The following ULK4 variants were observed in gnomAD, a reference collection of about 807,000 sequenced individuals.
The protein encoded by ULK4 is unc-51 like kinase 4, also known as inactive serine/threonine-protein kinase ULK4.
ULK4 carries 133 observed loss-of-function variants against 160.6 expected under a neutral mutation model. That is an observed-to-expected ratio of 0.83 (90% CI 0.72 to 0.96). The LOEUF (loss-of-function observed/expected upper bound fraction) is 0.96. Ranked by LOEUF, ULK4 falls within the 40% of genes least tolerant of loss-of-function variation. The pLI is 0.00. For synonymous variants in ULK4, 534 were observed against 539.8 expected (o/e 0.99, Z 0.15); for missense variants, 1,580 against 1,499.5 (o/e 1.05, Z -0.89).
At chr3:41,542,935 A>G (rs1440954938) in intron 32 of ULK4, among the ~76,000 whole-genome samples, 1 of 152,082 alleles carries the variant, frequency 6.6e-6, no homozygotes, top group East Asian at 1.9e-4. Flanking sequence ...AGGTTCCCCA[A>G]TCTTCTATGG....
rs546116957 is a variant in ULK4 at position 41,318,574 on chromosome 3, G to A, written c.3679-69000C>T. ...TGCATTGCATCTGCTATTATCCTAA[G>A]ATATTTTAATGAGAATCTTCTCTAT... On this transcript the variant is annotated intron_variant, in intron 35 of 36. Transcript: ENST00000301831. 1.4e-4 allele frequency among the ~76,000 whole-genome samples: 22 copies of A among 152,278 alleles called. No homozygotes were observed. The East Asian group carries it at 2.7e-3, about 19-fold the overall frequency.
At chr3:41,325,867 C>T (rs986181917) in intron 35 of ULK4, among the ~76,000 whole-genome samples, 14 of 151,852 alleles carry the variant, frequency 9.2e-5, no homozygotes, top group African/African-American at 3.1e-4. Context: ...TGCAGTGAGC[C>T]GAGACTGCAC....
At chr3:41,312,968 G>C (rs1040188604) in intron 35 of ULK4, among the ~76,000 whole-genome samples, 1 of 152,022 alleles carries the variant, frequency 6.6e-6, no homozygotes, top group Non-Finnish European at 1.5e-5. Context: ...ATTAGAAATA[G>C]AAAAGCAGAA....
chr3:41,291,307 AAAGGAAGGAAGGAGAAAAGAAAGAGAAAG>A (rs2079556804), intron 35 of ULK4, among the ~76,000 whole-genome samples: 1 of 151,176 alleles, frequency 6.6e-6, no homozygotes, highest in Admixed American at 6.6e-5. Flanking sequence ...AAGAGGAAAG[AAAGGAAGGAAGGAGAAAAGAAAGAGAAAG>A]AAGGAAGGAA....
rs545253046 is a variant in ULK4 at position 41,455,038 on chromosome 3, T to C, written c.3492+459A>G. Among the ~76,000 whole-genome samples the C allele has an allele frequency of 2.6e-5, 4 of 152,308 alleles. No homozygotes were observed. The South Asian group carries it at 8.3e-4, about 32-fold the overall frequency. Reference sequence around the variant, plus strand: ...TTTTTGTATATTCAATGGTCGTGTATAGTCTTACCTGTTTTTATTTAATTT... The same window carrying C: ...TTTTTGTATATTCAATGGTCGTGTACAGTCTTACCTGTTTTTATTTAATTT... On this transcript the variant is annotated intron_variant, in intron 34 of 36. Transcript: ENST00000301831.
intron 34 of ULK4, among the ~76,000 whole-genome samples, chr3:41,424,063 AC>A (rs144937671): frequency 0.013 from 1,947 of 152,110 alleles, 45 homozygotes; most frequent in African/African-American, 0.045. Flanking sequence ...AGGGGTGGCT[AC>A]CATCACCGCA....
intron 13 of ULK4, among the ~76,000 whole-genome samples, chr3:41,900,027 A>C (rs981568415): frequency 3.9e-5 from 6 of 152,212 alleles, no homozygotes; most frequent in African/African-American, 1.4e-4. Flanking sequence ...AAATAGAGAA[A>C]AAGTAGTGGA....
chr3:41,632,960 G>A (rs949023529), intron 30 of ULK4, among the ~76,000 whole-genome samples: 1 of 152,126 alleles, frequency 6.6e-6, no homozygotes, highest in African/African-American at 2.4e-5. Flanking sequence ...ATGAGGGAAG[G>A]GTGGACAGAT....
At chr3:41,457,589 A>G (rs1200295711) in intron 33 of ULK4, among the ~76,000 whole-genome samples, 2 of 152,146 alleles carry the variant, frequency 1.3e-5, no homozygotes, top group Non-Finnish European at 2.9e-5. Flanking sequence ...AGCAATAAAC[A>G]CTGAAGCCCC....
intron 32 of ULK4, among the ~76,000 whole-genome samples, chr3:41,472,920 C>A (rs938481616): frequency 7.2e-5 from 11 of 152,080 alleles, no homozygotes; most frequent in African/African-American, 2.7e-4. Context: ...GAGGTTCATT[C>A]ACTATGATCA....
chr3:41,921,047 C>A (rs1699163745), intron 5 of ULK4, among the ~76,000 whole-genome samples: 1 of 152,202 alleles, frequency 6.6e-6, no homozygotes. Context: ...GGACCAGGCT[C>A]ACACTTGTAA....
intron 32 of ULK4, among the ~76,000 whole-genome samples, chr3:41,540,930 T>G (rs140468631): frequency 0.061 from 9,352 of 152,176 alleles, 857 homozygotes; most frequent in African/African-American, 0.2. Flanking sequence ...CTGGATATTA[T>G]CCCTTTGTCA....
chr3:41,385,457 C>T (rs991177655), intron 35 of ULK4, among the ~76,000 whole-genome samples: 3 of 151,708 alleles, frequency 2.0e-5, no homozygotes, highest in Admixed American at 2.0e-4. Flanking sequence ...TGCACAGGGG[C>T]TACAAATGAC....
At position 41,555,878 on chromosome 3, in the gene ULK4, G is replaced by T. The variant is rs538372319; in HGVS notation, c.3226+10147C>A. Among the ~76,000 whole-genome samples, 4 of 152,268 alleles carry T rather than the reference G, an allele frequency of 2.6e-5. No homozygotes were observed. The South Asian group carries it at 6.2e-4, about 24-fold the overall frequency. Reference sequence around the variant, plus strand: ...AACAAGATCATTTCCTTTGCAGGGGGACATGGATGGAGCTGTAGGCTATTA... The same window carrying T: ...AACAAGATCATTTCCTTTGCAGGGGTACATGGATGGAGCTGTAGGCTATTA... On this transcript the variant is annotated intron_variant, in intron 32 of 36. Coordinates refer to ENST00000301831, the MANE Select transcript of ULK4 (RefSeq NM_017886.4).
intron 32 of ULK4, among the ~76,000 whole-genome samples, chr3:41,552,805 A>G (rs2087123754): frequency 6.6e-6 from 1 of 151,724 alleles, no homozygotes; most frequent in South Asian, 2.1e-4. Context: ...GGAGAAAAAT[A>G]AAAACAACAG....
chr3:41,686,054 C>T (rs1301358378), intron 27 of ULK4, among the ~76,000 whole-genome samples: 1 of 151,980 alleles, frequency 6.6e-6, no homozygotes, highest in Non-Finnish European at 1.5e-5. Flanking sequence ...TGTATATGAA[C>T]ATATTTACAG....
chr3:41,628,606 C>A lies in ULK4; in HGVS notation c.3072-12889G>T, dbSNP rs57073989. Among the ~76,000 whole-genome samples the A allele has an allele frequency of 3.6e-3, 542 of 152,210 alleles. 3 individuals carry two copies. The East Asian group carries it at 0.04, about 11-fold the overall frequency. On this transcript the variant is annotated intron_variant, in intron 30 of 36. Transcript: ENST00000301831. ...GACAAGAAAAGGCTGAGGAACTGTT[C>A]CAGACTAAGGAGACAGAGAAACAAA... is the stretch of plus-strand genomic sequence containing the variant.
intron 19 of ULK4, among the ~76,000 whole-genome samples, chr3:41,816,158 T>A (rs2040957331): frequency 6.6e-6 from 1 of 151,968 alleles, no homozygotes; most frequent in South Asian, 2.1e-4. Context: ...AGTGGCTACA[T>A]TAAAATTAAG....
At chr3:41,809,587 T>C (rs2040757915) in intron 19 of ULK4, among the ~76,000 whole-genome samples, 1 of 152,220 alleles carries the variant, frequency 6.6e-6, no homozygotes, top group African/African-American at 2.4e-5. Context: ...CGCATATCAC[T>C]GATTCAAAGT....
Sources: allele counts gnomAD v4.1 joint callset (sites outside exome capture counted in the v4.1 genomes callset), GRCh38; gene constraint gnomAD v4.1.1; transcripts MANE v1.5; gene names NCBI Gene and HGNC (gene_info 2026-07-23, HGNC 2026-07-21).